Variants in SSPN observed in about 807,000 individuals in gnomAD.
SSPN encodes the protein sarcospan, also known as K-ras oncogene-associated protein.
SSPN carries 15 observed loss-of-function variants against 19.1 expected under a neutral mutation model. That is an observed-to-expected ratio of 0.78 (90% CI 0.52 to 1.21). The LOEUF is 1.21. Ranked by LOEUF, SSPN falls within the 50% of genes most tolerant of loss-of-function variation. The probability of loss-of-function intolerance (pLI) is 0.00; values close to 1 mark genes in which losing one functional copy is unlikely to be tolerated. For synonymous variants in SSPN, 147 were observed against 140.3 expected, an observed-to-expected ratio of 1.05 and a Z score of -0.34; for missense variants, 291 against 314.0, an observed-to-expected ratio of 0.93 and a Z score of 0.55.
At chr12:26,142,851 C>T (rs1438414111) in intron 1 of SSPN, among the ~76,000 whole-genome samples, 1 of 152,224 alleles carries the variant, frequency 6.6e-6, no homozygotes, top group Non-Finnish European at 1.5e-5. Flanking sequence ...CTGTCATCTA[C>T]AGAAATGCCT....
At chr12:26,129,791 C>T (rs1261432764) in intron 1 of SSPN, among the ~76,000 whole-genome samples, 1 of 152,190 alleles carries the variant, frequency 6.6e-6, no homozygotes, top group African/African-American at 2.4e-5. Flanking sequence ...TGCATAGCTT[C>T]AAGGAGCAGA....
At chr12:26,221,171 T>C (rs1287434471) in intron 1 of SSPN, among the ~76,000 whole-genome samples, 4 of 152,236 alleles carry the variant, frequency 2.6e-5, no homozygotes, top group African/African-American at 9.6e-5. Flanking sequence ...ATGTTTACTC[T>C]GCCTTTCTTC....
chr12:26,205,970 A>C (rs996653334), intron 1 of SSPN, among the ~76,000 whole-genome samples: 4 of 152,210 alleles, frequency 2.6e-5, no homozygotes, highest in African/African-American at 9.7e-5. Flanking sequence ...GTGTGCATTA[A>C]GGGCTTGAGA....
chr12:26,124,525 G>A (rs1944345420), intron 1 of SSPN: 1 of 1,613,912 alleles, frequency 6.2e-7, no homozygotes, highest in South Asian at 1.1e-5. Context: ...TTACCTTGGT[G>A]TCGTCTCGTT....
intron 1 of SSPN, among the ~76,000 whole-genome samples, chr12:26,151,081 C>T (rs1006780421): frequency 7.2e-5 from 11 of 151,930 alleles, no homozygotes; most frequent in Admixed American, 1.3e-4. Flanking sequence ...GTGGGATTTT[C>T]GGGTGGAACT....
chr12:26,171,227 T>G (rs1005749735), intron 1 of SSPN, among the ~76,000 whole-genome samples: 1 of 152,220 alleles, frequency 6.6e-6, no homozygotes, highest in African/African-American at 2.4e-5. Flanking sequence ...TAAATGAGTA[T>G]GTATATAAAT....
chr12:26,151,899 G>A (rs938881881), intron 1 of SSPN, among the ~76,000 whole-genome samples: 4 of 152,060 alleles, frequency 2.6e-5, no homozygotes, highest in Admixed American at 6.6e-5. Flanking sequence ...CATCCAATGC[G>A]GTAATTTAAC....
intron 1 of SSPN, among the ~76,000 whole-genome samples, chr12:26,169,653 G>C (rs1220639568): frequency 1.3e-5 from 2 of 152,052 alleles, no homozygotes; most frequent in Non-Finnish European, 2.9e-5. Context: ...GGCTATGGGG[G>C]TGGCTAATGA....
At chr12:26,123,191 G>A (rs1288445879) in intron 1 of SSPN, 3 of 1,563,672 alleles carry the variant, frequency 1.9e-6, no homozygotes, top group African/African-American at 1.4e-5. Context: ...AGGGATGGGG[G>A]TGGGGGACGG....
At chr12:26,140,202 GC>G (rs1217419224) in intron 1 of SSPN, among the ~76,000 whole-genome samples, 1 of 152,100 alleles carries the variant, frequency 6.6e-6, no homozygotes, top group Non-Finnish European at 1.5e-5. Flanking sequence ...GACCATTCCA[GC>G]CTGGTACGTC....
Position 26,232,247 on chromosome 12 carries a change from A to C in SSPN, c.*1171A>C. 1.0e-6 allele frequency: 1 copy of C among 985,442 alleles called. No individual in the cohort carries two copies. The highest frequency in any genetic ancestry group is 1.2e-6 in the Non-Finnish European group (1 of 829,926). 61.0% of individuals were successfully genotyped at this position (985,442 alleles called of 1,614,324 possible). On this transcript the variant is annotated 3_prime_UTR_variant, in exon 3 of 3. Coordinates refer to ENST00000242729, the MANE Select transcript of SSPN (RefSeq NM_005086.5). ...TGCTTAGTCAACCTAGGAAATCAAA[A>C]TAATGTTTTGAAGTTCTTATTTGAG...
intron 1 of SSPN, chr12:26,124,658 G>A: frequency 6.2e-7 from 1 of 1,612,898 alleles, no homozygotes. Context: ...CCACTTTCTG[G>A]AGAAGAAAAA....
upstream of SSPN, among the ~76,000 whole-genome samples, chr12:26,191,551 A>G (rs528450962): frequency 3.3e-5 from 5 of 152,326 alleles, no homozygotes; most frequent in African/African-American, 1.2e-4. Context: ...GAAAATACAA[A>G]CTTGCAAGCA....
At chr12:26,156,495 G>A (rs1187433000) in intron 1 of SSPN, among the ~76,000 whole-genome samples, 1 of 152,170 alleles carries the variant, frequency 6.6e-6, no homozygotes, top group Non-Finnish European at 1.5e-5. Flanking sequence ...ACCTGTTTTT[G>A]CTTTGGCTGA....
At chr12:26,141,432 A>G (rs1944460075) in intron 1 of SSPN, among the ~76,000 whole-genome samples, 1 of 152,216 alleles carries the variant, frequency 6.6e-6, no homozygotes, top group Non-Finnish European at 1.5e-5. Flanking sequence ...TCTATCTCAA[A>G]GAACTCTCAG....
intron 1 of SSPN, among the ~76,000 whole-genome samples, chr12:26,178,530 G>C (rs964009246): frequency 6.6e-6 from 1 of 152,178 alleles, no homozygotes; most frequent in East Asian, 1.9e-4. Flanking sequence ...AAAGTAGAGA[G>C]GGGTGGGGAA....
intron 1 of SSPN, among the ~76,000 whole-genome samples, chr12:26,174,449 A>G (rs73084781): frequency 0.03 from 4,237 of 139,350 alleles, 86 homozygotes; most frequent in Non-Finnish European, 0.045. Context: ...AGTAATCCCT[A>G]CCTCCTTCCC....
At chr12:26,201,561 A>T (rs1390130409) in intron 1 of SSPN, among the ~76,000 whole-genome samples, 1 of 151,976 alleles carries the variant, frequency 6.6e-6, no homozygotes, top group Non-Finnish European at 1.5e-5. Context: ...AAAGGCCAAG[A>T]GAGTGTTTAT....
At chr12:26,227,021 GGCT>G (rs1050673339) in intron 2 of SSPN, among the ~76,000 whole-genome samples, 1 of 152,114 alleles carries the variant, frequency 6.6e-6, no homozygotes, top group African/African-American at 2.4e-5. Context: ...CGCAGCGCCG[GGCT>G]GATGGGCTGA....
Sources: gnomAD v4.1 joint callset for allele counts (sites outside exome capture counted in the v4.1 genomes callset) on GRCh38, gnomAD v4.1.1 for gene constraint, MANE v1.5 for transcripts, NCBI Gene and HGNC (gene_info 2026-07-23, HGNC 2026-07-21) for gene names.